RIMS1: variants seen among roughly 807,000 people sequenced by gnomAD.
RIMS1 encodes the protein regulating synaptic membrane exocytosis protein 1.
RIMS1 carries 83 observed loss-of-function variants against 214.1 expected under a neutral mutation model. That is an observed-to-expected ratio of 0.39 (90% confidence interval 0.32 to 0.47). The LOEUF is 0.47. RIMS1 is among the 20% of genes least tolerant of loss of function. The pLI is 0.99. For synonymous variants in RIMS1, 793 were observed against 786.8 expected (o/e 1.01, Z -0.13); for missense variants, 2,050 against 2,161.8 (o/e 0.95, Z 1.03).
chr6:72,366,386 C>G (rs1480722467), intron 29 of RIMS1, among the ~76,000 whole-genome samples: 2 of 152,264 alleles, frequency 1.3e-5, no homozygotes, highest in East Asian at 3.9e-4. Context: ...TAGCCCTGAG[C>G]TTTACTTCTC....
At chr6:71,915,944 C>T (rs1048629443) in intron 1 of RIMS1, among the ~76,000 whole-genome samples, 8 of 152,002 alleles carry the variant, frequency 5.3e-5, no homozygotes, top group Middle Eastern at 3.2e-3. Flanking sequence ...ACCATCAGAT[C>T]TCATGAGACT....
In RIMS1 at chr6:71,968,975, C is replaced by T. The variant is rs569516900; in HGVS notation, c.165-8C>T. ...ATAGTGCGTTGTGCTGTCTATCATG[C>T]GCCCCAGGTGTGTTGTCAGGGACAT... On this transcript the variant is annotated splice_region_variant and splice_polypyrimidine_tract_variant and intron_variant, in intron 1 of 33. Transcript: ENST00000521978. 40 of 1,613,078 alleles carry T rather than the reference C, an allele frequency of 2.5e-5. No individual in the cohort carries two copies. Among genetic ancestry groups the T allele is most frequent in the East Asian group, 4.5e-5 (2 of 44,882 alleles).
intron 6 of RIMS1, among the ~76,000 whole-genome samples, chr6:72,208,332 A>G (rs926225256): frequency 2.6e-5 from 4 of 152,214 alleles, no homozygotes; most frequent in Non-Finnish European, 5.9e-5. Context: ...AAATAACATT[A>G]AATTTGGTCC....
chr6:71,942,451 G>C (rs1786453988), intron 1 of RIMS1, among the ~76,000 whole-genome samples: 1 of 151,820 alleles, frequency 6.6e-6, no homozygotes, highest in Non-Finnish European at 1.5e-5. Context: ...TCTGGCAATT[G>C]GAATTTTTTA....
At chr6:72,274,513 T>A (rs1027640195) in intron 23 of RIMS1, 81 bp downstream of exon 23, 1 of 1,059,932 alleles carries the variant, frequency 9.4e-7, no homozygotes, top group Non-Finnish European at 1.5e-6. Flanking sequence ...AAGAGAAAAG[T>A]TGAATATGAT....
chr6:72,251,308 C>T lies in RIMS1; in HGVS notation c.2638C>T (p.Pro880Ser). 6.2e-7 allele frequency: 1 copy of T among 1,600,776 alleles called. No individual in the cohort carries two copies. Among genetic ancestry groups the T allele is most frequent in the Non-Finnish European group, 8.5e-7 (1 of 1,173,134 alleles). The change falls in exon 15 of 34, where the codon CCA (proline) becomes TCA (serine). Residue 880 changes from proline (P) to serine (S), a missense_variant. By Grantham distance (74) the Pro-to-Ser change is moderately conservative. Transcript: ENST00000521978. ...HDESSLPLPQ[P>S]SPFMPRRHIH... The stretch of plus-strand genomic sequence containing the variant: ...TGAGTCTTCACTACCTCTGCCTCAG[C>T]CATCACCTTTCATGCCAAGGCGACA...
chr6:72,349,916 C>T (rs138943631), intron 29 of RIMS1, among the ~76,000 whole-genome samples: 8 of 152,058 alleles, frequency 5.3e-5, no homozygotes, highest in Non-Finnish European at 1.0e-4. Flanking sequence ...CTGTGATCTT[C>T]GGCTAATCAA....
At chr6:72,344,584 A>G (rs1388476896) in intron 29 of RIMS1, among the ~76,000 whole-genome samples, 1 of 151,804 alleles carries the variant, frequency 6.6e-6, no homozygotes, top group Non-Finnish European at 1.5e-5. Flanking sequence ...ATTCTGAAGA[A>G]TGTAATATTT....
chr6:72,034,821 G>A (rs902654658), intron 2 of RIMS1, among the ~76,000 whole-genome samples: 4 of 151,996 alleles, frequency 2.6e-5, no homozygotes, highest in Admixed American at 2.6e-4. Flanking sequence ...TGTTATACAG[G>A]TATGTAAATA....
chr6:72,177,802 C>G (rs1459951485), intron 4 of RIMS1, among the ~76,000 whole-genome samples: 3 of 152,174 alleles, frequency 2.0e-5, no homozygotes, highest in Non-Finnish European at 2.9e-5. Flanking sequence ...CTCAGTGTCA[C>G]TGACTGTTCA....
intron 18 of RIMS1, among the ~76,000 whole-genome samples, chr6:72,259,581 C>A (rs1354037550): frequency 6.6e-6 from 1 of 150,900 alleles, no homozygotes; most frequent in African/African-American, 2.4e-5. Flanking sequence ...TTATATACTT[C>A]TTTTCATAAA....
Position 72,403,073 on chromosome 6 carries a change from C to G in RIMS1, c.*2359C>G, listed in dbSNP as rs2098844436. On this transcript the variant is annotated 3_prime_UTR_variant, in exon 34 of 34. Transcript: ENST00000521978. ...TGGCATTATTAAAAATAATAAATCT[C>G]AGTAAGAATCAAATGGAAGGTTGTT... The G allele has an allele frequency of 6.6e-6, 1 of 152,174 alleles. No homozygotes were observed. The highest frequency in any genetic ancestry group is 2.4e-5 in the African/African-American group (1 of 41,438). 9.4% of individuals were successfully genotyped at this position (152,174 alleles called of 1,614,324 possible).
chr6:72,334,371 G>A (rs1005679319), intron 29 of RIMS1, among the ~76,000 whole-genome samples: 4 of 151,900 alleles, frequency 2.6e-5, no homozygotes, highest in African/African-American at 9.6e-5. Flanking sequence ...TTTATGCAAG[G>A]AGTAATGTTT....
intron 29 of RIMS1, among the ~76,000 whole-genome samples, chr6:72,390,213 C>T (rs1361891373): frequency 6.6e-6 from 1 of 152,164 alleles, no homozygotes; most frequent in Non-Finnish European, 1.5e-5. Context: ...TCCTTTGGGA[C>T]TATTCATACA....
At chr6:72,296,754 A>G (rs2094132018) in intron 26 of RIMS1, among the ~76,000 whole-genome samples, 1 of 151,986 alleles carries the variant, frequency 6.6e-6, no homozygotes, top group South Asian at 2.1e-4. Flanking sequence ...GACTGATTGA[A>G]TTAATTTGTT....
At chr6:72,014,696 C>A in intron 2 of RIMS1, among the ~76,000 whole-genome samples, 1 of 152,160 alleles carries the variant, frequency 6.6e-6, no homozygotes, top group Non-Finnish European at 1.5e-5. Flanking sequence ...GACTGCATCA[C>A]TTTATAATCC....
At chr6:71,954,007 T>A (rs915513006) in intron 1 of RIMS1, among the ~76,000 whole-genome samples, 1 of 152,172 alleles carries the variant, frequency 6.6e-6, no homozygotes, top group Non-Finnish European at 1.5e-5. Context: ...CACTTATTTA[T>A]CTAATTTTTA....
intron 4 of RIMS1, among the ~76,000 whole-genome samples, chr6:72,149,277 G>A (rs779668826): frequency 9.2e-5 from 14 of 152,094 alleles, no homozygotes; most frequent in Non-Finnish European, 1.5e-4. Context: ...CATTATAAAA[G>A]AAGAGCTAGC....
At chr6:72,312,993 C>A (rs546884011) in intron 27 of RIMS1, among the ~76,000 whole-genome samples, 1 of 152,158 alleles carries the variant, frequency 6.6e-6, no homozygotes, top group South Asian at 2.1e-4. Flanking sequence ...TCCAGTTGAG[C>A]ATCCTAATCT....
Sources: allele counts gnomAD v4.1 joint callset (sites outside exome capture counted in the v4.1 genomes callset), GRCh38; gene constraint gnomAD v4.1.1; transcripts MANE v1.5; gene names NCBI Gene and HGNC (gene_info 2026-07-23, HGNC 2026-07-21).